KLHL2: variants seen among roughly 807,000 people sequenced by gnomAD.
KLHL2 encodes the protein kelch-like protein 2.
Under a neutral mutation model 75.8 loss-of-function variants are expected in KLHL2, and 15 were observed. The observed-to-expected ratio is 0.20, with a 90% confidence interval of 0.13 to 0.30. The LOEUF is 0.30. Ranked by LOEUF, KLHL2 falls within the 10% of genes least tolerant of loss-of-function variation. KLHL2 has a pLI of 1.00. For synonymous variants in KLHL2, 214 were observed against 251.9 expected, an observed-to-expected ratio of 0.85 and a Z score of 1.42; for missense variants, 381 against 741.0, an observed-to-expected ratio of 0.51 and a Z score of 5.64.
intron 5 of KLHL2, among the ~76,000 whole-genome samples, chr4:165,293,855 G>T (rs6842911): frequency 6.6e-5 from 10 of 152,116 alleles, no homozygotes; most frequent in Admixed American, 3.9e-4. Context: ...CATATATTCA[G>T]ATTGGCTAGC....
At chr4:165,313,743 T>C (rs750022926) in intron 12 of KLHL2, among the ~76,000 whole-genome samples, 7 of 152,146 alleles carry the variant, frequency 4.6e-5, no homozygotes, top group Non-Finnish European at 8.8e-5. Context: ...TCAAAAGGAT[T>C]ACATTAAAGG....
At chr4:165,243,239 T>C (rs914538382) in intron 4 of KLHL2, among the ~76,000 whole-genome samples, 2 of 152,362 alleles carry the variant, frequency 1.3e-5, no homozygotes, top group East Asian at 3.9e-4. Context: ...ATTTGTAGTT[T>C]TGTTACATGA....
chr4:165,317,081 T>G (rs1274391655), intron 13 of KLHL2, among the ~76,000 whole-genome samples: 1 of 152,108 alleles, frequency 6.6e-6, no homozygotes, highest in Non-Finnish European at 1.5e-5. Flanking sequence ...AGATAAATAA[T>G]ATTGTTCTCT....
chr4:165,244,499 TA>T (rs1025715266), intron 4 of KLHL2, among the ~76,000 whole-genome samples: 3 of 152,184 alleles, frequency 2.0e-5, no homozygotes, highest in Admixed American at 2.0e-4. Flanking sequence ...ATTGTGTGGG[TA>T]AACATTGAAA....
rs1385767726 is a variant in KLHL2, at chr4:165,219,929, T to C, written c.27-5T>C. The stretch of plus-strand genomic sequence containing the variant: ...TCTGTTTTTGTTCTTTTCTTTTATG[T>C]ACAGATGCACAAAGCAGGGTCATCA... On this transcript the variant is annotated splice_region_variant and splice_polypyrimidine_tract_variant and intron_variant, in intron 1 of 14. Transcript: ENST00000226725. 2 of 1,608,564 alleles carry C rather than the reference T, an allele frequency of 1.2e-6. No individual in the cohort carries two copies. The highest frequency in any genetic ancestry group is 1.7e-6 in the Non-Finnish European group (2 of 1,178,528).
At chr4:165,216,271 A>G (rs532866461) in intron 1 of KLHL2, among the ~76,000 whole-genome samples, 37 of 152,204 alleles carry the variant, frequency 2.4e-4, no homozygotes, top group Non-Finnish European at 4.7e-4. Context: ...GGGAATTTGC[A>G]GAAGTCAGTC....
rs759236784 is a variant in KLHL2 at position 165,220,007 on chromosome 4, G to A, written c.100G>A (p.Val34Met). The A allele has an allele frequency of 1.2e-6, 2 of 1,613,390 alleles. No homozygotes were observed. The highest frequency in any genetic ancestry group is 1.7e-5 in the Admixed American group (1 of 59,864). The change falls in exon 2 of 15, where the codon GTG becomes ATG. Residue 34 changes from valine to methionine, a missense_variant. By Grantham distance (21) the Val-to-Met change is conservative (BLOSUM62 1). Coordinates refer to ENST00000226725, the MANE Select transcript of KLHL2 (RefSeq NM_007246.4). Reference protein sequence around the residue: ...DNTEKHCPVTVNPWHMKKAFK... With the variant: ...DNTEKHCPVTMNPWHMKKAFK... ...TACCGAAAAACACTGCCCAGTGACA[G>A]TGAATCCTTGGCATATGAAGAAAGC...
chr4:165,256,315 A>G (rs1377592352), intron 4 of KLHL2, among the ~76,000 whole-genome samples: 1 of 152,228 alleles, frequency 6.6e-6, no homozygotes. Flanking sequence ...TACAAATAAA[A>G]AAGCTTTTTT....
In KLHL2 at chr4:165,227,510, A is replaced by G. The variant is rs560933194; in HGVS notation, c.153-1297A>G. Among the ~76,000 whole-genome samples, 12 of 152,302 alleles carry G rather than the reference A, an allele frequency of 7.9e-5. 1 individual carries two copies. The East Asian group carries it at 2.3e-3, about 29-fold the overall frequency. ...AGAAAATTACAGAAGTAGGCAGGCC[A>G]CCTTTTTAGGAAATAGAACAGTAGA... On this transcript the variant is annotated intron_variant, in intron 2 of 14. Coordinates refer to ENST00000226725, the MANE Select transcript of KLHL2 (RefSeq NM_007246.4).
At chr4:165,267,165 A>G (rs1473340286) in intron 5 of KLHL2, among the ~76,000 whole-genome samples, 2 of 152,186 alleles carry the variant, frequency 1.3e-5, no homozygotes, top group Admixed American at 6.5e-5. Context: ...TTGATTTTGT[A>G]TCCTGAGACT....
At chr4:165,223,195 C>G (rs1002368358) in intron 2 of KLHL2, among the ~76,000 whole-genome samples, 2 of 152,190 alleles carry the variant, frequency 1.3e-5, no homozygotes, top group Non-Finnish European at 2.9e-5. Flanking sequence ...ACAATGTATT[C>G]AACAAGTATT....
intron 3 of KLHL2, among the ~76,000 whole-genome samples, chr4:165,231,458 T>G (rs563137611): frequency 6.6e-6 from 1 of 152,276 alleles, no homozygotes; most frequent in South Asian, 2.1e-4. Flanking sequence ...ATTACCTATA[T>G]TAAGTGCACA....
At chr4:165,237,768 A>G (rs960639728) in intron 3 of KLHL2, among the ~76,000 whole-genome samples, 23 of 152,176 alleles carry the variant, frequency 1.5e-4, no homozygotes, top group Non-Finnish European at 2.5e-4. Context: ...TTTGAAACTT[A>G]GTGAATTCTA....
intron 3 of KLHL2, among the ~76,000 whole-genome samples, chr4:165,232,996 A>G (rs1476245567): frequency 7.3e-5 from 11 of 149,890 alleles, no homozygotes; most frequent in Admixed American, 6.1e-4. Context: ...GCTCAGGGAC[A>G]GGGAGTTTCC....
At position 165,219,652 on chromosome 4, in the gene KLHL2, G is replaced by A. The variant is rs537408495; in HGVS notation, c.27-282G>A. 55 of 1,145,982 alleles carry A rather than the reference G, an allele frequency of 4.8e-5. No homozygotes were observed. In the African/African-American group the frequency reaches 8.2e-4, roughly 17 times the overall value. The allele number at this position is 1,145,982 out of a possible 1,614,324, so 71.0% of individuals were successfully genotyped here. On this transcript the variant is annotated intron_variant, in intron 1 of 14. Transcript: ENST00000226725. ...AGATCATTTCTCAACAGTTTTATTTGGAGATATCTGCTAAGCCACTTCTGC... is the reference window on the plus strand; with the variant it reads ...AGATCATTTCTCAACAGTTTTATTTAGAGATATCTGCTAAGCCACTTCTGC...
chr4:165,312,650 G>C (rs904919954), intron 11 of KLHL2, among the ~76,000 whole-genome samples: 8 of 151,970 alleles, frequency 5.3e-5, no homozygotes, highest in Non-Finnish European at 8.8e-5. Flanking sequence ...GCTCTTACTC[G>C]TATCTTACCC....
At chr4:165,226,358 T>G (rs1182276323) in intron 2 of KLHL2, among the ~76,000 whole-genome samples, 2 of 152,190 alleles carry the variant, frequency 1.3e-5, no homozygotes, top group African/African-American at 4.8e-5. Context: ...TCATGTTCTC[T>G]TTGGGATTCT....
rs772423121 is a variant in KLHL2 at position 165,294,359 on chromosome 4, A to G, written c.545A>G (p.Glu182Gly). ...DLLNKANTYAEQHFADVVLSE... is the reference protein window; with the variant it reads ...DLLNKANTYAGQHFADVVLSE... The stretch of plus-strand genomic sequence containing the variant: ...GATTTTCTTTTTAATTCCCAAACAG[A>G]GCAACATTTTGCAGATGTTGTACTT... The change falls in exon 6 of 15, where the codon GAG (glutamate) becomes GGG (glycine). Residue 182 changes from glutamate to glycine, a missense_variant and splice_region_variant. This residue lies in a region of KLHL2 where 111 missense variants were observed against 150.1 expected (regional missense o/e 0.74). Coordinates refer to ENST00000226725, the MANE Select transcript of KLHL2 (RefSeq NM_007246.4). The G allele has an allele frequency of 1.3e-6, 2 of 1,575,694 alleles. No individual in the cohort carries two copies. The highest frequency in any genetic ancestry group is 1.7e-6 in the Non-Finnish European group (2 of 1,145,722).
At chr4:165,307,519 A>C (rs1745828272) in intron 9 of KLHL2, among the ~76,000 whole-genome samples, 1 of 152,142 alleles carries the variant, frequency 6.6e-6, no homozygotes, top group African/African-American at 2.4e-5. Context: ...TTTTCCATTG[A>C]TTCTCTTATG....
Sources: allele counts gnomAD v4.1 joint callset (sites outside exome capture counted in the v4.1 genomes callset), GRCh38; gene constraint gnomAD v4.1.1; regional missense constraint gnomAD v4.1.1; transcripts MANE v1.5; gene names NCBI Gene and HGNC (gene_info 2026-07-23, HGNC 2026-07-21).